The following KCNIP4 variants were observed in gnomAD, a reference collection of about 807,000 sequenced individuals.
KCNIP4 encodes the protein potassium voltage-gated channel interacting protein 4.
A neutral mutation model predicts 34.0 loss-of-function variants in KCNIP4; 12 were observed. The observed-to-expected ratio is 0.35, with a 90% confidence interval of 0.23 to 0.57. The LOEUF is 0.57. KCNIP4 is among the 20% of genes least tolerant of loss of function. The pLI, the probability that KCNIP4 is intolerant of heterozygous loss-of-function variation, is 0.83. For synonymous variants in KCNIP4, 124 were observed against 102.2 expected, an observed-to-expected ratio of 1.21 and a Z score of -1.29; for missense variants, 238 against 311.7, an observed-to-expected ratio of 0.76 and a Z score of 1.78.
intron 3 of KCNIP4, among the ~76,000 whole-genome samples, chr4:20,823,776 T>A (rs949807674): frequency 6.6e-6 from 1 of 152,176 alleles, no homozygotes; most frequent in African/African-American, 2.4e-5. Flanking sequence ...CAAAAATATA[T>A]CACTTTGATG....
intron 1 of KCNIP4, among the ~76,000 whole-genome samples, chr4:21,291,994 T>C (rs1763552049): frequency 6.6e-6 from 1 of 151,922 alleles, no homozygotes; most frequent in African/African-American, 2.4e-5. Context: ...AGAATACAAG[T>C]AGAAAATTCC....
At chr4:21,212,069 C>T (rs1242658507) in intron 1 of KCNIP4, among the ~76,000 whole-genome samples, 1 of 152,180 alleles carries the variant, frequency 6.6e-6, no homozygotes, top group African/African-American at 2.4e-5. Context: ...CATAAATTGC[C>T]TCAGTGAGGC....
chr4:21,414,794 AT>A (rs982740285), intron 1 of KCNIP4, among the ~76,000 whole-genome samples: 82 of 151,956 alleles, frequency 5.4e-4, no homozygotes, highest in African/African-American at 1.7e-3. Flanking sequence ...TGAATCTTTA[AT>A]TTTTTTTCTT....
At chr4:21,691,691 CTTTTTTTT>C (rs36004947) in intron 1 of KCNIP4, among the ~76,000 whole-genome samples, 72 of 103,144 alleles carry the variant, frequency 7.0e-4, no homozygotes, top group African/African-American at 1.8e-3. Context: ...AAACGCAGCT[CTTTTTTTT>C]TTTTTTTTTT....
intron 1 of KCNIP4, among the ~76,000 whole-genome samples, chr4:21,453,930 T>C (rs1728718373): frequency 6.6e-6 from 1 of 152,064 alleles, no homozygotes; most frequent in Non-Finnish European, 1.5e-5. Flanking sequence ...TGAAGTTTCA[T>C]CCATTTCTTC....
At chr4:21,399,939 A>G (rs1313288072) in intron 1 of KCNIP4, among the ~76,000 whole-genome samples, 1 of 152,192 alleles carries the variant, frequency 6.6e-6, no homozygotes, top group Non-Finnish European at 1.5e-5. Flanking sequence ...CATAAGAAGT[A>G]GTAAGGTGTT....
intron 1 of KCNIP4, among the ~76,000 whole-genome samples, chr4:21,237,666 C>T (rs879756706): frequency 3.3e-5 from 5 of 152,050 alleles, no homozygotes; most frequent in Non-Finnish European, 5.9e-5. Flanking sequence ...TACACCCTCC[C>T]AAGACAAAAC....
chr4:20,738,129 CAA>C (rs200429048), intron 5 of KCNIP4, among the ~76,000 whole-genome samples: 10 of 115,554 alleles, frequency 8.7e-5, no homozygotes, highest in Admixed American at 2.7e-4. Flanking sequence ...GACTCTGTCT[CAA>C]AAAAAAAAAA....
chr4:21,238,984 G>A (rs951602823), intron 1 of KCNIP4, among the ~76,000 whole-genome samples: 1 of 151,990 alleles, frequency 6.6e-6, no homozygotes, highest in African/African-American at 2.4e-5. Flanking sequence ...ATACTACAAG[G>A]CTACAGTAAC....
At chr4:21,816,377 G>A (rs1174233175) in intron 1 of KCNIP4, among the ~76,000 whole-genome samples, 1 of 152,010 alleles carries the variant, frequency 6.6e-6, no homozygotes, top group African/African-American at 2.4e-5. Context: ...ATCTTTGTAA[G>A]GGAGACACTT....
At chr4:21,759,479 G>A (rs1242913379) in intron 1 of KCNIP4, among the ~76,000 whole-genome samples, 1 of 152,110 alleles carries the variant, frequency 6.6e-6, no homozygotes, top group Admixed American at 6.6e-5. Context: ...GCAGGACATA[G>A]AAATCTTTGT....
chr4:21,080,765 G>A (rs1016450003), intron 1 of KCNIP4, among the ~76,000 whole-genome samples: 1 of 151,796 alleles, frequency 6.6e-6, no homozygotes, highest in Admixed American at 6.6e-5. Flanking sequence ...CTAGGCCAGT[G>A]TTTTGCATAT....
intron 1 of KCNIP4, among the ~76,000 whole-genome samples, chr4:21,194,215 A>G (rs1755888587): frequency 6.6e-6 from 1 of 152,130 alleles, no homozygotes; most frequent in Non-Finnish European, 1.5e-5. Context: ...TTAAGCACCA[A>G]TGGGCAATTA....
intron 2 of KCNIP4, among the ~76,000 whole-genome samples, chr4:20,876,972 G>A (rs543116545): frequency 3.9e-4 from 60 of 152,240 alleles, no homozygotes; most frequent in Admixed American, 2.4e-3. Context: ...CACAACACCT[G>A]GCTCCTAAGA....
At chr4:20,799,277 T>C (rs962711072) in intron 3 of KCNIP4, among the ~76,000 whole-genome samples, 1 of 152,182 alleles carries the variant, frequency 6.6e-6, no homozygotes, top group Non-Finnish European at 1.5e-5. Flanking sequence ...CCTCACCTTC[T>C]AGCACCACAG....
rs1763499921 is a variant in KCNIP4, at chr4:21,291,864, AAAAAAAGAAAGAAAGAAAG to A, written c.62-409174_62-409156del. ...GTTAGACTCCGCCTCAAAAAAAAAA[AAAAAAAGAAAGAAAGAAAG>A]AAAGAAAGAAAGAAAGAAAGAAAGA... On this transcript the variant is annotated intron_variant, in intron 1 of 8. Transcript: ENST00000382152. Among the ~76,000 whole-genome samples the A allele has an allele frequency of 5.9e-5, 4 of 68,140 alleles. No homozygotes were observed. In the Admixed American group the frequency reaches 7.3e-4, roughly 13 times the overall value. 44.7% of individuals were successfully genotyped at this position (68,140 alleles called of 152,430 possible).
chr4:20,816,268 A>C (rs1201771525), intron 3 of KCNIP4, among the ~76,000 whole-genome samples: 1 of 151,920 alleles, frequency 6.6e-6, no homozygotes, highest in African/African-American at 2.4e-5. Flanking sequence ...AAAAAAAAAA[A>C]AACCTTTAAG....
rs970151513 is a variant in KCNIP4, at chr4:20,913,167, G to GT, written c.62-30459dup. ...CTGATAAATGAATAAACAAAAGGTG[G>GT]TTTTTTTCAGCCAAAAAAAGAATGA... is the stretch of plus-strand genomic sequence containing the variant. On this transcript the variant is annotated intron_variant, in intron 1 of 8. Coordinates refer to ENST00000382152, the MANE Select transcript of KCNIP4 (RefSeq NM_025221.6). Among the ~76,000 whole-genome samples the GT allele has an allele frequency of 9.9e-5, 15 of 151,978 alleles. No homozygotes were observed. The South Asian group carries it at 1.0e-3, about 11-fold the overall frequency.
chr4:21,909,762 A>C (rs1488370554), intron 1 of KCNIP4, among the ~76,000 whole-genome samples: 1 of 152,130 alleles, frequency 6.6e-6, no homozygotes, highest in Non-Finnish European at 1.5e-5. Flanking sequence ...GGGAGGCCTC[A>C]CAATCATGGT....
Sources: gnomAD v4.1 joint callset for allele counts (sites outside exome capture counted in the v4.1 genomes callset) on GRCh38, gnomAD v4.1.1 for gene constraint, MANE v1.5 for transcripts, NCBI Gene and HGNC (gene_info 2026-07-23, HGNC 2026-07-21) for gene names.